The following PPM1E variants were observed in gnomAD, a reference collection of about 807,000 sequenced individuals.
PPM1E encodes protein phosphatase 1E.
In PPM1E, 20 loss-of-function variants were observed where a neutral mutation model predicts 65.9. That is an observed-to-expected ratio of 0.30 (90% CI 0.21 to 0.44). The LOEUF (loss-of-function observed/expected upper bound fraction) is 0.44. Ranked by LOEUF, PPM1E falls within the 20% of genes least tolerant of loss-of-function variation. PPM1E has a pLI of 1.00. For synonymous variants in PPM1E, 352 were observed against 374.9 expected (o/e 0.94, Z 0.70); for missense variants, 713 against 953.1 (o/e 0.75, Z 3.32).
chr17:58,982,763 T>C lies in PPM1E; in HGVS notation c.*1732T>C. The C allele has an allele frequency of 1.7e-6, 1 of 588,590 alleles. No individual in the cohort carries two copies. The highest frequency in any genetic ancestry group is 2.9e-6 in the Non-Finnish European group (1 of 340,792). 36.5% of individuals were successfully genotyped at this position (588,590 alleles called of 1,614,324 possible). A position where few individuals can be genotyped will look rare whatever the true frequency, so the allele number is the denominator to read the frequency against. On this transcript the variant is annotated 3_prime_UTR_variant, in exon 7 of 7. Transcript: ENST00000308249. ...TTCTTCTTCTCACGTCTGTGACAAA[T>C]GGTTGAAAAGGAGTCAACATGGCCC...
intron 1 of PPM1E, among the ~76,000 whole-genome samples, chr17:58,783,097 T>G (rs1157969230): frequency 6.6e-6 from 1 of 152,166 alleles, no homozygotes; most frequent in Non-Finnish European, 1.5e-5. Flanking sequence ...GGTAAGAAAG[T>G]TCAACTTTGA....
chr17:58,902,614 T>C (rs1234536009), intron 1 of PPM1E, among the ~76,000 whole-genome samples: 3 of 152,200 alleles, frequency 2.0e-5, no homozygotes, highest in African/African-American at 7.2e-5. Flanking sequence ...ATGTTTTGTT[T>C]GCAGTTCCTA....
At chr17:58,900,941 A>G (rs1167101876) in intron 1 of PPM1E, among the ~76,000 whole-genome samples, 2 of 152,218 alleles carry the variant, frequency 1.3e-5, no homozygotes, top group Admixed American at 1.3e-4. Flanking sequence ...TGTACCTTAC[A>G]ACTATCCTTT....
intron 1 of PPM1E, among the ~76,000 whole-genome samples, chr17:58,943,769 G>A (rs559220218): frequency 2.0e-5 from 3 of 152,276 alleles, no homozygotes; most frequent in Admixed American, 2.0e-4. Context: ...TGATTCTGAT[G>A]CGTGAGAAAG....
intron 1 of PPM1E, among the ~76,000 whole-genome samples, chr17:58,843,650 C>T (rs901064390): frequency 6.6e-6 from 1 of 151,526 alleles, no homozygotes. Context: ...CATGGTGAAA[C>T]CCTGTGTCTA....
At position 58,873,173 on chromosome 17, in the gene PPM1E, T is replaced by C. The variant is rs2051090107; in HGVS notation, c.465-82476T>C. 2.6e-5 allele frequency among the ~76,000 whole-genome samples: 4 copies of C among 152,348 alleles called. No homozygotes were observed. In the South Asian group the frequency reaches 8.3e-4, roughly 32 times the overall value. On this transcript the variant is annotated intron_variant, in intron 1 of 6. Transcript: ENST00000308249. ...GTATAGATAAATTTTCATAACTCTT[T>C]GTAAGTTGATATGATTTATCTCTTT...
rs533443621 is a variant in PPM1E at position 58,931,620 on chromosome 17, G to C, written c.465-24029G>C. On this transcript the variant is annotated intron_variant, in intron 1 of 6. Transcript: ENST00000308249. ...CAGAAAAAAAGAAAAAAACATATGA[G>C]AGGGAGAAAGATTTGGACTTACTTC... Among the ~76,000 whole-genome samples, 36 of 152,236 alleles carry C rather than the reference G, an allele frequency of 2.4e-4. No homozygotes were observed. In the Middle Eastern group the frequency reaches 0.014, roughly 58 times the overall value.
At chr17:58,778,763 C>T (rs2050020570) in intron 1 of PPM1E, among the ~76,000 whole-genome samples, 1 of 151,584 alleles carries the variant, frequency 6.6e-6, no homozygotes, top group Non-Finnish European at 1.5e-5. Context: ...GCGTTTTGTT[C>T]TGATTAGATA....
intron 1 of PPM1E, among the ~76,000 whole-genome samples, chr17:58,802,984 A>G (rs1305155562): frequency 1.3e-5 from 2 of 151,970 alleles, no homozygotes; most frequent in Non-Finnish European, 2.9e-5. Context: ...AACAGAGTCA[A>G]TTTTACTTCC....
At chr17:58,767,818 TTTTAGTAG>T (rs2049897374) in intron 1 of PPM1E, among the ~76,000 whole-genome samples, 2 of 151,810 alleles carry the variant, frequency 1.3e-5, no homozygotes, top group Non-Finnish European at 1.5e-5. Context: ...AATTTTGTAT[TTTTAGTAG>T]AGATGGGGTT....
At chr17:58,894,718 AAT>A (rs2051391054) in intron 1 of PPM1E, among the ~76,000 whole-genome samples, 1 of 152,116 alleles carries the variant, frequency 6.6e-6, no homozygotes, top group Non-Finnish European at 1.5e-5. Flanking sequence ...ACATTATTTA[AAT>A]ATATTAAACC....
chr17:58,756,627 C>G (rs2049768748), intron 1 of PPM1E, among the ~76,000 whole-genome samples, 166 bp downstream of exon 1: 1 of 151,716 alleles, frequency 6.6e-6, no homozygotes, highest in South Asian at 2.1e-4. Flanking sequence ...GGGCGGTCGG[C>G]TGAGAGCTGC....
chr17:58,775,548 A>C (rs978024194), intron 1 of PPM1E, among the ~76,000 whole-genome samples: 1 of 152,182 alleles, frequency 6.6e-6, no homozygotes, highest in Non-Finnish European at 1.5e-5. Flanking sequence ...ATATCTAAAC[A>C]ATATCTTTTA....
At chr17:58,955,993 G>A (rs1282538764) in intron 2 of PPM1E, among the ~76,000 whole-genome samples, 1 of 152,154 alleles carries the variant, frequency 6.6e-6, no homozygotes, top group East Asian at 1.9e-4. Context: ...GTAGTATTTA[G>A]AAGGTAACTG....
At chr17:58,924,935 C>G (rs1366506286) in intron 1 of PPM1E, among the ~76,000 whole-genome samples, 1 of 152,124 alleles carries the variant, frequency 6.6e-6, no homozygotes, top group Non-Finnish European at 1.5e-5. Flanking sequence ...GCATAGTATT[C>G]CATGGTGTAT....
At chr17:58,779,190 T>A (rs2144202556) in intron 1 of PPM1E, among the ~76,000 whole-genome samples, 1 of 150,818 alleles carries the variant, frequency 6.6e-6, no homozygotes, top group South Asian at 2.1e-4. Flanking sequence ...TTTTTTTTTT[T>A]TTGAGTCGGA....
At chr17:58,760,690 T>G (rs772018079) in intron 1 of PPM1E, among the ~76,000 whole-genome samples, 1 of 152,192 alleles carries the variant, frequency 6.6e-6, no homozygotes, top group East Asian at 1.9e-4. Flanking sequence ...TCAAGACTTC[T>G]GATCCTATTG....
At chr17:58,833,384 G>A (rs868834310) in intron 1 of PPM1E, among the ~76,000 whole-genome samples, 11 of 149,776 alleles carry the variant, frequency 7.3e-5, no homozygotes, top group African/African-American at 1.7e-4. Context: ...TTACCTCACC[G>A]CACCCCCACA....
chr17:58,890,737 C>G (rs2051334978), intron 1 of PPM1E, among the ~76,000 whole-genome samples: 1 of 152,120 alleles, frequency 6.6e-6, no homozygotes, highest in Non-Finnish European at 1.5e-5. Context: ...ATTCAGCTCC[C>G]AGCTTGGATG....
Sources: gnomAD v4.1 joint callset for allele counts (sites outside exome capture counted in the v4.1 genomes callset) on GRCh38, gnomAD v4.1.1 for gene constraint, MANE v1.5 for transcripts, NCBI Gene and HGNC (gene_info 2026-07-23, HGNC 2026-07-21) for gene names.